SAMD3: variants seen among roughly 807,000 people sequenced by gnomAD.
SAMD3 encodes sterile alpha motif domain containing 3, also known as sterile alpha motif domain-containing protein 3.
In SAMD3, 63 loss-of-function variants were observed where a neutral mutation model predicts 58.5. The observed-to-expected ratio is 1.08, with a 90% CI of 0.88 to 1.33. SAMD3 has a LOEUF of 1.33. Among genes scored for constraint, SAMD3 ranks in the 40% most tolerant of loss-of-function variants. The pLI is 0.00. For synonymous variants in SAMD3, 220 were observed against 210.3 expected (o/e 1.05, Z -0.40); for missense variants, 604 against 608.4 (o/e 0.99, Z 0.08).
intron 2 of SAMD3, 111 bp from the exon 3 acceptor site, chr6:130,215,405 T>C: frequency 1.6e-6 from 2 of 1,224,216 alleles, no homozygotes; most frequent in Non-Finnish European, 2.1e-6. Context: ...CTTCTCAATG[T>C]TAAGCTTTTT....
At chr6:130,147,903 C>G (rs1159958520) in intron 9 of SAMD3, among the ~76,000 whole-genome samples, 3 of 152,184 alleles carry the variant, frequency 2.0e-5, no homozygotes, top group African/African-American at 7.2e-5. Flanking sequence ...AAGATTTATG[C>G]ATTTCTGGCA....
chr6:130,205,042 C>T (rs12190192), intron 5 of SAMD3, among the ~76,000 whole-genome samples: 32,153 of 151,404 alleles, frequency 0.21, 4,205 homozygotes, highest in East Asian at 0.44. Context: ...TGTTCCCCAC[C>T]TCTCTCTACC....
intron 1 of SAMD3, among the ~76,000 whole-genome samples, chr6:130,361,413 T>G (rs998622716): frequency 3.3e-5 from 5 of 152,206 alleles, no homozygotes; most frequent in African/African-American, 1.2e-4. Flanking sequence ...CGATTTAAAC[T>G]GCATTATATT....
At chr6:130,202,500 G>A (rs551075383) in intron 5 of SAMD3, among the ~76,000 whole-genome samples, 5 of 152,166 alleles carry the variant, frequency 3.3e-5, no homozygotes, top group East Asian at 1.9e-4. Context: ...TGTCTCACAC[G>A]TAGTAAGCAC....
intron 1 of SAMD3, among the ~76,000 whole-genome samples, chr6:130,331,716 C>T (rs1473648609): frequency 2.6e-5 from 4 of 151,964 alleles, no homozygotes; most frequent in Non-Finnish European, 5.9e-5. Flanking sequence ...GAGACTCCAT[C>T]TCAAAAAAAA....
chr6:130,254,689 C>T (rs1462197612), intron 2 of SAMD3, among the ~76,000 whole-genome samples: 4 of 152,108 alleles, frequency 2.6e-5, no homozygotes, highest in Non-Finnish European at 5.9e-5. Context: ...GATAGTTTTG[C>T]TTTGTTTCTC....
intron 2 of SAMD3, among the ~76,000 whole-genome samples, chr6:130,301,466 T>G (rs1363533205): frequency 6.6e-6 from 1 of 152,114 alleles, no homozygotes; most frequent in African/African-American, 2.4e-5. Flanking sequence ...CCCATCCCCA[T>G]GAACAAGAAG....
chr6:130,191,020 T>C (rs1410376170), intron 5 of SAMD3, among the ~76,000 whole-genome samples: 1 of 151,722 alleles, frequency 6.6e-6, no homozygotes, highest in African/African-American at 2.4e-5. Flanking sequence ...ACCAAGTATA[T>C]AGAAGACCTG....
chr6:130,279,466 G>A (rs565853312), intron 2 of SAMD3, among the ~76,000 whole-genome samples: 1 of 151,038 alleles, frequency 6.6e-6, no homozygotes, highest in African/African-American at 2.4e-5. Context: ...CCAGCCATAT[G>A]GAACTGTGAA....
At chr6:130,345,389 A>G (rs1777414512) in intron 1 of SAMD3, among the ~76,000 whole-genome samples, 1 of 152,192 alleles carries the variant, frequency 6.6e-6, no homozygotes, top group African/African-American at 2.4e-5. Flanking sequence ...AGCTGTGTAG[A>G]CAACTCAGCT....
At chr6:130,313,447 T>C (rs886237311) in intron 1 of SAMD3, among the ~76,000 whole-genome samples, 3 of 152,178 alleles carry the variant, frequency 2.0e-5, no homozygotes, top group African/African-American at 7.2e-5. Context: ...GAAATTACCC[T>C]ACATTGATAA....
chr6:130,315,926 A>G (rs1776348843), intron 1 of SAMD3, among the ~76,000 whole-genome samples: 1 of 152,192 alleles, frequency 6.6e-6, no homozygotes, highest in African/African-American at 2.4e-5. Context: ...GTGTGTATAT[A>G]TGTGCTAAGG....
In SAMD3 at chr6:130,209,547, GA is replaced by G. The variant is rs778042495; in HGVS notation, c.330del (p.Pro111GlnfsTer9). The G allele has an allele frequency of 2.9e-5, 47 of 1,613,774 alleles. No individual in the cohort carries two copies. The Middle Eastern group carries it at 4.9e-4, about 17-fold the overall frequency. On this transcript the variant is annotated frameshift_variant, in exon 5 of 12. Coordinates refer to ENST00000439090, the MANE Select transcript of SAMD3 (RefSeq NM_001017373.4). LOFTEE classifies it high-confidence loss of function. ...AGTCCATTATCAAGGTTTTCAGCTG[GA>G]TAGAAAGATGGCATCTGCTCCCCAT... The part of the protein sequence containing the change: ...ARHGEQMPSF[Y>X]PAENLDNGLI...
At chr6:130,312,093 G>T (rs1365270384) in intron 2 of SAMD3, among the ~76,000 whole-genome samples, 1 of 152,144 alleles carries the variant, frequency 6.6e-6, no homozygotes, top group Non-Finnish European at 1.5e-5. Flanking sequence ...CCTTCCTAAT[G>T]AACAAATTCT....
At chr6:130,329,257 ATC>A (rs1259630277) in intron 1 of SAMD3, among the ~76,000 whole-genome samples, 9 of 111,266 alleles carry the variant, frequency 8.1e-5, no homozygotes, top group African/African-American at 4.9e-4. Flanking sequence ...GAATCAATGA[ATC>A]TCAAAAAAAA....
intron 2 of SAMD3, among the ~76,000 whole-genome samples, chr6:130,299,840 C>T (rs1583069040): frequency 6.6e-6 from 1 of 152,228 alleles, no homozygotes; most frequent in East Asian, 1.9e-4. Flanking sequence ...CATCTCTGTG[C>T]ACACACTAGA....
chr6:130,282,995 C>T (rs1194201532), intron 2 of SAMD3, among the ~76,000 whole-genome samples: 1 of 151,336 alleles, frequency 6.6e-6, no homozygotes, highest in Non-Finnish European at 1.5e-5. Context: ...GGGCACTGGT[C>T]GAGATTATAA....
chr6:130,172,174 C>G (rs1386256451), intron 8 of SAMD3, among the ~76,000 whole-genome samples: 2 of 152,150 alleles, frequency 1.3e-5, no homozygotes, highest in African/African-American at 4.8e-5. Context: ...ATTTGCCAGT[C>G]TGTGTCTTTT....
chr6:130,152,516 A>C (rs1789308247), intron 9 of SAMD3, among the ~76,000 whole-genome samples: 1 of 151,946 alleles, frequency 6.6e-6, no homozygotes, highest in Non-Finnish European at 1.5e-5. Context: ...ATCTCTACTA[A>C]AAATATAAAA....
Sources: allele counts gnomAD v4.1 joint callset (sites outside exome capture counted in the v4.1 genomes callset), GRCh38; gene constraint gnomAD v4.1.1; transcripts MANE v1.5; gene names NCBI Gene and HGNC (gene_info 2026-07-23, HGNC 2026-07-21).